Variants in CTXN2 observed in about 807,000 individuals in gnomAD.
CTXN2 encodes the protein cortexin 2, also known as cortexin-2.
CTXN2 carries 3 observed loss-of-function variants against 5.7 expected under a neutral mutation model. That is an observed-to-expected ratio of 0.53 (90% CI 0.24 to 1.36). The LOEUF (loss-of-function observed/expected upper bound fraction) is 1.36. CTXN2 is among the 40% of genes most tolerant of loss of function. The pLI is 0.17. For synonymous variants in CTXN2, 38 were observed against 36.4 expected (o/e 1.04, Z -0.16); for missense variants, 87 against 93.0 (o/e 0.94, Z 0.26).
chr15:48,193,031 T>G (rs2040839474), intron 1 of CTXN2, among the ~76,000 whole-genome samples: 2 of 152,210 alleles, frequency 1.3e-5, no homozygotes, highest in African/African-American at 4.8e-5. Flanking sequence ...TTTGCTTAAC[T>G]GCTTACGGAG....
chr15:48,195,813 T>C (rs1303207554), intron 1 of CTXN2, among the ~76,000 whole-genome samples: 1 of 152,150 alleles, frequency 6.6e-6, no homozygotes, highest in Non-Finnish European at 1.5e-5. Flanking sequence ...ATAAAATATG[T>C]AAAGCAGTAT....
chr15:48,191,710 C>G lies in CTXN2; in HGVS notation c.-201C>G, dbSNP rs748819671. The G allele has an allele frequency of 6.6e-6, 3 of 456,032 alleles. No individual in the cohort carries two copies. Among genetic ancestry groups the G allele is most frequent in the South Asian group, 3.1e-5 (2 of 64,556 alleles). The allele number at this position is 456,032 out of a possible 1,614,324, so 28.2% of individuals were successfully genotyped here. A position where few individuals can be genotyped will look rare whatever the true frequency, so the allele number is the denominator to read the frequency against. ...CATTTACACTTCTAGGCCAGGAAAGCGCTAACCAGGGCCCTGTGACTCTAC... is the reference window on the plus strand; with the variant it reads ...CATTTACACTTCTAGGCCAGGAAAGGGCTAACCAGGGCCCTGTGACTCTAC... On this transcript the variant is annotated 5_prime_UTR_variant, in exon 1 of 2. Transcript: ENST00000417307.
intron 1 of CTXN2, among the ~76,000 whole-genome samples, chr15:48,182,727 G>A (rs2040710168): frequency 6.6e-6 from 1 of 152,190 alleles, no homozygotes; most frequent in East Asian, 1.9e-4. Flanking sequence ...TTTTGACTCA[G>A]TCAAACACTA....
intron 1 of CTXN2, among the ~76,000 whole-genome samples, chr15:48,198,050 C>T (rs1054031805): frequency 4.6e-5 from 7 of 151,978 alleles, no homozygotes; most frequent in Non-Finnish European, 8.8e-5. Flanking sequence ...CAAACTAATG[C>T]CAAAATATAA....
chr15:48,195,889 C>G (rs181223741), intron 1 of CTXN2, among the ~76,000 whole-genome samples: 20 of 152,084 alleles, frequency 1.3e-4, no homozygotes, highest in African/African-American at 4.3e-4. Context: ...TTTGTAGAAG[C>G]CTATGTTGTT....
intron 1 of CTXN2, among the ~76,000 whole-genome samples, chr15:48,192,888 C>T (rs2040837477): frequency 6.6e-6 from 1 of 152,076 alleles, no homozygotes; most frequent in South Asian, 2.1e-4. Flanking sequence ...TGCATTGTTG[C>T]ATGATTAAAT....
chr15:48,202,438 G>A lies in CTXN2; in HGVS notation c.*892G>A, dbSNP rs1443511319. On this transcript the variant is annotated 3_prime_UTR_variant, in exon 2 of 2. Transcript: ENST00000417307. ...GAAAACCCAGAGATCTGAAATGAAT[G>A]AGGATTTAAGATATCATGAAAAGTT... is the stretch of plus-strand genomic sequence containing the variant. 1.2e-5 allele frequency: 2 copies of A among 167,050 alleles called. No homozygotes were observed. Among genetic ancestry groups the A allele is most frequent in the Admixed American group, 6.5e-5 (1 of 15,288 alleles). The allele number at this position is 167,050 out of a possible 1,614,324, so 10.3% of individuals were successfully genotyped here.
intron 1 of CTXN2, among the ~76,000 whole-genome samples, chr15:48,198,726 G>A (rs1338610037): frequency 6.6e-6 from 1 of 152,076 alleles, no homozygotes. Flanking sequence ...AGAGCGTAGT[G>A]GATTAATCAC....
intron 1 of CTXN2, among the ~76,000 whole-genome samples, chr15:48,180,922 T>G (rs2040696938): frequency 6.6e-6 from 1 of 152,262 alleles, no homozygotes; most frequent in South Asian, 2.1e-4. Context: ...AAAAGCATTA[T>G]CCTTTGCAAT....
At chr15:48,199,287 G>T (rs1296690110) in intron 1 of CTXN2, among the ~76,000 whole-genome samples, 1 of 152,178 alleles carries the variant, frequency 6.6e-6, no homozygotes, top group East Asian at 1.9e-4. Flanking sequence ...AGTGAAAGGG[G>T]CTGACAGCTG....
At position 48,180,543 on chromosome 15, in the gene CTXN2, G is replaced by C. The variant is rs1408833647; in HGVS notation, c.-455+2143G>C. On this transcript the variant is annotated intron_variant, in intron 1 of 2. Coordinates refer to the CTXN2 transcript ENST00000644354. ...TTTGTCTTTTTTGAGATGGAGTCTC[G>C]CTCTGTCACCCAGGCTGGAGTGCAG... Among the ~76,000 whole-genome samples the C allele has an allele frequency of 5.3e-5, 8 of 152,162 alleles. No individual in the cohort carries two copies. In the East Asian group the frequency reaches 1.4e-3, roughly 26 times the overall value.
intron 1 of CTXN2, among the ~76,000 whole-genome samples, chr15:48,199,062 C>T (rs989953794): frequency 3.3e-5 from 5 of 152,270 alleles, no homozygotes; most frequent in African/African-American, 1.2e-4. Flanking sequence ...GGGAATTAAA[C>T]AGGAGTGGCC....
upstream of CTXN2, chr15:48,191,535 A>G (rs2040822183): frequency 2.8e-6 from 1 of 362,460 alleles, no homozygotes; most frequent in South Asian, 2.0e-5. Flanking sequence ...AGTCTCACAT[A>G]CACACACAGA....
intron 1 of CTXN2, among the ~76,000 whole-genome samples, chr15:48,183,895 C>T (rs186991905): frequency 5.5e-4 from 84 of 152,308 alleles, no homozygotes; most frequent in Middle Eastern, 3.4e-3. Flanking sequence ...CATCAGCACT[C>T]TGAATATTTC....
chr15:48,190,397 G>A (rs1176032681), upstream of CTXN2, among the ~76,000 whole-genome samples: 2 of 152,294 alleles, frequency 1.3e-5, no homozygotes, highest in East Asian at 3.9e-4. Context: ...ATAGAGGGCA[G>A]TTAGTTCACC....
chr15:48,198,686 T>C (rs1265385767), intron 1 of CTXN2, among the ~76,000 whole-genome samples: 3 of 152,182 alleles, frequency 2.0e-5, no homozygotes, highest in African/African-American at 7.2e-5. Flanking sequence ...GCTGGTTTGT[T>C]TTGTTGGTTA....
intron 1 of CTXN2, among the ~76,000 whole-genome samples, chr15:48,197,000 G>A (rs1031554920): frequency 9.8e-5 from 13 of 132,868 alleles, no homozygotes; most frequent in African/African-American, 3.0e-4. Flanking sequence ...AGTATTATCC[G>A]CTTACATTGT....
At chr15:48,199,376 G>A (rs1480717739) in intron 1 of CTXN2, among the ~76,000 whole-genome samples, 6 of 152,034 alleles carry the variant, frequency 3.9e-5, no homozygotes, top group Non-Finnish European at 8.8e-5. Flanking sequence ...AAACCACAGC[G>A]TCCATCCATA....
chr15:48,179,416 CAT>C (rs66505615), intron 1 of CTXN2, among the ~76,000 whole-genome samples: 118,210 of 150,118 alleles, frequency 0.79, 51,825 homozygotes, highest in Non-Finnish European at 0.99. Context: ...CACACACACA[CAT>C]ACACACACAC....
Sources: allele counts gnomAD v4.1 joint callset (sites outside exome capture counted in the v4.1 genomes callset), GRCh38; gene constraint gnomAD v4.1.1; transcripts MANE v1.5; gene names NCBI Gene and HGNC (gene_info 2026-07-23, HGNC 2026-07-21).